Variants in MCM3AP observed in about 807,000 individuals in gnomAD.
MCM3AP encodes the protein germinal-center associated nuclear protein.
A neutral mutation model predicts 184.1 loss-of-function variants in MCM3AP; 126 were observed. That is an observed-to-expected ratio of 0.68 (90% confidence interval 0.59 to 0.79). MCM3AP has a LOEUF of 0.79. Ranked by LOEUF, MCM3AP falls within the 30% of genes least tolerant of loss-of-function variation. The pLI is 0.00. For missense variants in MCM3AP, 2,496 were observed against 2,479.2 expected (o/e 1.01, Z -0.14); for synonymous variants, 1,002 against 979.3 (o/e 1.02, Z -0.43).
Position 46,246,305 on chromosome 21 carries a change from AC to A in MCM3AP, c.4647+1del, listed in dbSNP as rs1453725028. 1 of 1,574,354 alleles carries A rather than the reference AC, an allele frequency of 6.4e-7. No individual in the cohort carries two copies. Among genetic ancestry groups the A allele is most frequent in the Non-Finnish European group, 8.7e-7 (1 of 1,143,536 alleles). On this transcript the variant is annotated splice_donor_variant, in intron 22 of 27. Coordinates refer to ENST00000291688, the MANE Select transcript of MCM3AP (RefSeq NM_003906.5). LOFTEE classifies it high-confidence loss of function. ...AGACCATTAAAAATGATGAAACCTT[AC>A]CTTAGTTGAACCTTGTAGATCATTA...
chr21:46,243,417 AG>A, intron 24 of MCM3AP, 47 bp downstream of exon 24: 1 of 1,538,030 alleles, frequency 6.5e-7, no homozygotes. Flanking sequence ...AAACTGGACC[AG>A]GAAAGTCTCG....
At chr21:46,268,603 C>G (rs1372814003) in intron 9 of MCM3AP, among the ~76,000 whole-genome samples, 1 of 152,202 alleles carries the variant, frequency 6.6e-6, no homozygotes, top group African/African-American at 2.4e-5. Flanking sequence ...TGCGGCTCTG[C>G]GAGTGTGGAA....
At chr21:46,256,114 A>G (rs1015879689) in intron 17 of MCM3AP, among the ~76,000 whole-genome samples, 9 of 152,068 alleles carry the variant, frequency 5.9e-5, no homozygotes, top group Admixed American at 5.2e-4. Context: ...CTGCCTCCCC[A>G]GTCCCCACCC....
intron 20 of MCM3AP, chr21:46,249,992 C>G (rs1032850545): frequency 6.3e-6 from 1 of 157,490 alleles, no homozygotes; most frequent in African/African-American, 2.4e-5. Flanking sequence ...CACATGTTGC[C>G]TGGATGGAGA....
At position 46,273,576 on chromosome 21, in the gene MCM3AP, C is replaced by T. The variant is rs150303901; in HGVS notation, c.2008G>A (p.Ala670Thr). 1.6e-4 allele frequency: 259 copies of T among 1,613,432 alleles called. No homozygotes were observed. The highest frequency in any genetic ancestry group is 1.2e-3 in the African/African-American group (92 of 74,888). The change falls in exon 7 of 28, where the codon GCA becomes ACA. Residue 670 changes from alanine to threonine, a missense_variant. Physicochemically the swap from Ala to Thr is moderately conservative, Grantham distance 58. This residue lies in a region of MCM3AP where 130 missense variants were observed against 199.8 expected (regional missense o/e 0.65). Coordinates refer to ENST00000291688, the MANE Select transcript of MCM3AP (RefSeq NM_003906.5). ...CGACTGTACTCTTTCACAGCTGCTGCGTGGTCCACCTAGAGACATGAAGCC... is the reference window on the plus strand; with the variant it reads ...CGACTGTACTCTTTCACAGCTGCTGTGTGGTCCACCTAGAGACATGAAGCC... ...VVPGTDQVDH[A>T]AAVKEYSRSS...
At chr21:46,266,482 A>G (rs945248479) in intron 10 of MCM3AP, 2 of 273,812 alleles carry the variant, frequency 7.3e-6, no homozygotes, top group Non-Finnish European at 1.4e-5. Context: ...AACTGGAAGG[A>G]GGAGACAGGC....
chr21:46,285,759 C>A (rs17182538), upstream of MCM3AP: 63,878 of 155,228 alleles, frequency 0.41, 13,676 homozygotes, highest in Admixed American at 0.48. Flanking sequence ...GGAGAATTCA[C>A]TGTAACGCTG....
At chr21:46,265,559 G>C in intron 11 of MCM3AP, 36 bp from the exon 12 acceptor site, 1 of 1,497,174 alleles carries the variant, frequency 6.7e-7, no homozygotes, top group Non-Finnish European at 9.0e-7. Context: ...CATAGCTGCA[G>C]ACACAGGGTG....
Position 46,280,123 on chromosome 21 carries a change from G to T in MCM3AP, c.1537C>A (p.Pro513Thr), listed in dbSNP as rs1191494060. 1 of 1,614,044 alleles carries T rather than the reference G, an allele frequency of 6.2e-7. No homozygotes were observed. Among genetic ancestry groups the T allele is most frequent in the African/African-American group, 1.3e-5 (1 of 74,924 alleles). The change falls in exon 4 of 28, where the codon CCC (proline) becomes ACC (threonine). Residue 513 changes from proline (P) to threonine (T), a missense_variant. Transcript: ENST00000291688. ...HRKKISPNKK[P>T]FSLKEKKPGD... ...GGTTTCTTCTCCTTCAGGGAAAAGGGTTTCTTATTGGGGCCTGTGGACATA... is the reference window on the plus strand; with the variant it reads ...GGTTTCTTCTCCTTCAGGGAAAAGGTTTTCTTATTGGGGCCTGTGGACATA...
chr21:46,250,379 C>T (rs1256351798), intron 20 of MCM3AP: 1 of 152,250 alleles, frequency 6.6e-6, no homozygotes, highest in African/African-American at 2.4e-5. Context: ...CCCCTGATTC[C>T]ACCTAGTGTT....
chr21:46,248,121 TTGAC>T (rs1269249833), intron 20 of MCM3AP, among the ~76,000 whole-genome samples: 1 of 152,048 alleles, frequency 6.6e-6, no homozygotes, highest in Non-Finnish European at 1.5e-5. Flanking sequence ...AGGAGTCAGG[TTGAC>T]TGAGCCTGCA....
rs757379020 is a variant in MCM3AP, at chr21:46,251,587, A to T, written c.4232T>A (p.Leu1411His). The T allele has an allele frequency of 6.2e-7, 1 of 1,613,094 alleles. No homozygotes were observed. The highest frequency in any genetic ancestry group is 8.5e-7 in the Non-Finnish European group (1 of 1,179,042). The change falls in exon 20 of 28, where the codon CTT becomes CAT. Residue 1411 changes from leucine to histidine, a missense_variant. This residue lies in a region of MCM3AP where 1,323 missense variants were observed against 1,273.4 expected (regional missense o/e 1.04). Transcript: ENST00000291688. The stretch of plus-strand genomic sequence containing the variant: ...CCCTTTGCTGCTAAGTGAGTTGAAA[A>T]GCGAAAGCGTCTGAATCCCACCAGC... Reference protein sequence around the residue: ...SDAGGIQTLSLFNSLSSKGDQ... With the variant: ...SDAGGIQTLSHFNSLSSKGDQ...
chr21:46,243,715 C>A lies in MCM3AP; in HGVS notation c.5046G>T (p.Trp1682Cys). The change falls in exon 24 of 28, where the codon TGG becomes TGT. Residue 1682 changes from tryptophan (W) to cysteine (C), a missense_variant. Trp to Cys is a radical substitution (Grantham distance 215). Around this residue, in one of 5 missense-constraint regions of MCM3AP, gnomAD observed 1,323 missense variants for 1,273.4 expected, o/e 1.04. Transcript: ENST00000291688. ...GGACAACCATGGAGCACACGGGGAG[C>A]CAGGGGGCTGGGGAGAAAGTGCCTC... ...QMDLPPLGAP[W>C]LPVCSMVVQY... is the part of the protein sequence containing the mutation. 6.2e-7 allele frequency: 1 copy of A among 1,613,734 alleles called. No individual in the cohort carries two copies. The highest frequency in any genetic ancestry group is 1.1e-5 in the South Asian group (1 of 91,064).
In MCM3AP at chr21:46,283,932, A is replaced by T. The variant is rs1203140241; in HGVS notation, c.1220-94T>A. 3.2e-6 allele frequency: 5 copies of T among 1,545,302 alleles called. No individual in the cohort carries two copies. The African/African-American group carries it at 6.9e-5, about 21-fold the overall frequency. ...GAAGCAGAGGAAATTTTCAGATGTA[A>T]GACCTGCTCCGATGACATGTTAGAA... On this transcript the variant is annotated intron_variant, in intron 1 of 27. Coordinates refer to ENST00000291688, the MANE Select transcript of MCM3AP (RefSeq NM_003906.5).
intron 5 of MCM3AP, 98 bp from the exon 6 acceptor site, chr21:46,275,423 A>AAC (rs201158409): frequency 1.4e-5 from 14 of 1,002,888 alleles, no homozygotes; most frequent in South Asian, 1.0e-4. Context: ...TAAAACTTAA[A>AAC]ACACACACAC....
chr21:46,270,253 C>T (rs925363185), intron 9 of MCM3AP, 148 bp downstream of exon 9: 2 of 699,058 alleles, frequency 2.9e-6, no homozygotes, highest in Non-Finnish European at 4.8e-6. Context: ...AACAGGGCAA[C>T]ACCGGTAACC....
intron 20 of MCM3AP, among the ~76,000 whole-genome samples, chr21:46,249,173 G>A (rs928722286): frequency 6.6e-6 from 1 of 152,048 alleles, no homozygotes; most frequent in Non-Finnish European, 1.5e-5. Flanking sequence ...GGTGACAGTG[G>A]AGCAAAACTG....
chr21:46,236,912 G>T lies in MCM3AP; in HGVS notation c.5701C>A (p.Pro1901Thr). ...ACTAGAGTCTGAGGAAGATAGAGGG[G>T]AAGGGAAGTTAAATCCGTAAATGCT... ...SGAFTDLTSL[P>T]LYLPQTLVSL... Residue 1901 changes from proline (P) to threonine (T), a missense_variant, in exon 27 of 28, where the codon CCC (proline) becomes ACC (threonine). Pro to Thr is a conservative substitution (Grantham distance 38). This residue lies in a region of MCM3AP where 1,323 missense variants were observed against 1,273.4 expected (regional missense o/e 1.04). Coordinates refer to ENST00000291688, the MANE Select transcript of MCM3AP (RefSeq NM_003906.5). 6.3e-7 allele frequency: 1 copy of T among 1,575,788 alleles called. No homozygotes were observed.
At chr21:46,240,780 C>CTTA in intron 26 of MCM3AP, 31 bp downstream of exon 26, 7 of 1,598,184 alleles carry the variant, frequency 4.4e-6, no homozygotes, top group Non-Finnish European at 6.0e-6. Flanking sequence ...GCAGACTAAA[C>CTTA]ACACATGAAT....
Sources: allele counts gnomAD v4.1 joint callset (sites outside exome capture counted in the v4.1 genomes callset), GRCh38; gene constraint gnomAD v4.1.1; regional missense constraint gnomAD v4.1.1; transcripts MANE v1.5; gene names NCBI Gene and HGNC (gene_info 2026-07-23, HGNC 2026-07-21).